ANKH: variants seen among roughly 807,000 people sequenced by gnomAD.
ANKH encodes the protein ANKH inorganic pyrophosphate transport regulator, also known as mineralization regulator ANKH.
A neutral mutation model predicts 49.0 loss-of-function variants in ANKH; 15 were observed. The ratio of observed to expected loss-of-function variants is 0.31; its 90% CI spans 0.20 to 0.47. ANKH has a LOEUF of 0.47. Ranked by LOEUF, ANKH falls within the 20% of genes least tolerant of loss-of-function variation. The pLI, the probability that ANKH is intolerant of heterozygous loss-of-function variation, is 1.00. For missense variants in ANKH, 429 were observed against 652.0 expected (o/e 0.66, Z 3.72); for synonymous variants, 273 against 260.0 (o/e 1.05, Z -0.48).
rs550355172 is a variant in ANKH at position 14,708,304 on chromosome 5, A to G, written c.*2893T>C. 6.6e-6 allele frequency: 1 copy of G among 152,316 alleles called. No individual in the cohort carries two copies. The highest frequency in any genetic ancestry group is 1.9e-4 in the East Asian group (1 of 5,188). 9.4% of individuals were successfully genotyped at this position (152,316 alleles called of 1,614,324 possible). On this transcript the variant is annotated 3_prime_UTR_variant, in exon 12 of 12. Coordinates refer to ENST00000284268, the MANE Select transcript of ANKH (RefSeq NM_054027.6). Reference sequence around the variant, plus strand: ...ATGAAAAACTACTTCATGGCCTTGTATTTTTAGATTGTATTCATCCACAAG... The same window carrying G: ...ATGAAAAACTACTTCATGGCCTTGTGTTTTTAGATTGTATTCATCCACAAG...
intron 8 of ANKH, among the ~76,000 whole-genome samples, chr5:14,722,088 G>A (rs923902487): frequency 6.6e-6 from 1 of 152,068 alleles, no homozygotes; most frequent in Admixed American, 6.6e-5. Context: ...AAAACAGGAC[G>A]CTTTAGAAGT....
chr5:14,832,276 C>A (rs772671147), intron 1 of ANKH, among the ~76,000 whole-genome samples: 1 of 152,118 alleles, frequency 6.6e-6, no homozygotes, highest in Non-Finnish European at 1.5e-5. Flanking sequence ...AAAGTTGCTG[C>A]CACAGACAAA....
chr5:14,764,746 T>C (rs931753462), intron 2 of ANKH, among the ~76,000 whole-genome samples: 2 of 152,170 alleles, frequency 1.3e-5, no homozygotes, highest in Non-Finnish European at 2.9e-5. Context: ...TAATAACCCA[T>C]GAATAATGGG....
intron 3 of ANKH, among the ~76,000 whole-genome samples, chr5:14,756,772 G>A (rs548366408): frequency 2.6e-5 from 4 of 151,248 alleles, no homozygotes; most frequent in Non-Finnish European, 5.9e-5. Flanking sequence ...ATATATCAGC[G>A]CCAAGCTGCC....
chr5:14,746,007 A>C (rs539587910), intron 6 of ANKH, 45 bp from the exon 7 acceptor site: 1 of 1,533,414 alleles, frequency 6.5e-7, no homozygotes, highest in Non-Finnish European at 9.0e-7. Flanking sequence ...ACCAGCAGGA[A>C]GTCCTCCAGG....
intron 1 of ANKH, among the ~76,000 whole-genome samples, chr5:14,850,653 T>C (rs1204204515): frequency 6.6e-6 from 1 of 152,168 alleles, no homozygotes; most frequent in Non-Finnish European, 1.5e-5. Flanking sequence ...GTGAATGCCG[T>C]GATGCACTCT....
chr5:14,729,833 C>T (rs752509339), intron 8 of ANKH, among the ~76,000 whole-genome samples: 47 of 152,192 alleles, frequency 3.1e-4, no homozygotes, highest in African/African-American at 1.0e-3. Flanking sequence ...GAGAAAGACC[C>T]GGACAGAGTG....
chr5:14,765,292 A>G (rs1411303508), intron 2 of ANKH, among the ~76,000 whole-genome samples: 1 of 152,230 alleles, frequency 6.6e-6, no homozygotes, highest in African/African-American at 2.4e-5. Flanking sequence ...CAATTTGGGT[A>G]TCTAGAGCCA....
chr5:14,842,834 T>C (rs78111357), intron 1 of ANKH, among the ~76,000 whole-genome samples: 1,845 of 152,210 alleles, frequency 0.012, 41 homozygotes, highest in African/African-American at 0.042. Context: ...GGGTGGTGAT[T>C]TTCTTCCCTT....
rs146484928 is a variant in ANKH at position 14,821,727 on chromosome 5, T to C, written c.96+49625A>G. On this transcript the variant is annotated intron_variant, in intron 1 of 11. Transcript: ENST00000284268. ...CTAAAGAAAGCACTGTGACTATAACTGGAGTCTTTAATTTCTGCCGCATCC... is the reference window on the plus strand; with the variant it reads ...CTAAAGAAAGCACTGTGACTATAACCGGAGTCTTTAATTTCTGCCGCATCC... Among the ~76,000 whole-genome samples the C allele has an allele frequency of 1.8e-3, 268 of 152,324 alleles. 1 individual carries two copies. The highest frequency in any genetic ancestry group is 6.1e-3 in the African/African-American group (253 of 41,586).
In ANKH at chr5:14,709,446, G is replaced by C. The variant is rs1579992819; in HGVS notation, c.*1751C>G. 5 of 152,280 alleles carry C rather than the reference G, an allele frequency of 3.3e-5. No individual in the cohort carries two copies. Among genetic ancestry groups the C allele is most frequent in the Admixed American group, 3.3e-4 (5 of 15,298 alleles). 9.4% of individuals were successfully genotyped at this position (152,280 alleles called of 1,614,324 possible). Reference sequence around the variant, plus strand: ...GCACGCCAAGGACATGTCCCCACGTGGGCACACCCCATCAGCACTGGGTAC... The same window carrying C: ...GCACGCCAAGGACATGTCCCCACGTCGGCACACCCCATCAGCACTGGGTAC... On this transcript the variant is annotated 3_prime_UTR_variant, in exon 12 of 12. Transcript: ENST00000284268.
rs184794385 is a variant in ANKH, at chr5:14,714,889, G to A, written c.1142-1222C>T. 2.6e-5 allele frequency among the ~76,000 whole-genome samples: 4 copies of A among 152,276 alleles called. No homozygotes were observed. In the East Asian group the frequency reaches 7.7e-4, roughly 29 times the overall value. On this transcript the variant is annotated intron_variant, in intron 9 of 11. Transcript: ENST00000284268. ...CTGGGGCACTCCAGGCCCCTCCTCT[G>A]GTCACTACTGTAGAAATTAACTGCA...
chr5:14,757,770 A>G (rs1274207328), intron 3 of ANKH, among the ~76,000 whole-genome samples: 1 of 152,220 alleles, frequency 6.6e-6, no homozygotes, highest in Non-Finnish European at 1.5e-5. Flanking sequence ...ACTTGTGGCA[A>G]AATTAAATAA....
chr5:14,709,060 ATT>A lies in ANKH; in HGVS notation c.*2135_*2136del, dbSNP rs1737057959. The stretch of plus-strand genomic sequence containing the variant: ...AGGTATGTGCTACCACCCCCAGCTA[ATT>A]TTTATGTTTTTAGTAGAGACAGGGT... On this transcript the variant is annotated 3_prime_UTR_variant, in exon 12 of 12. Coordinates refer to ENST00000284268, the MANE Select transcript of ANKH (RefSeq NM_054027.6). The A allele has an allele frequency of 6.6e-6, 1 of 152,104 alleles. No individual in the cohort carries two copies. The highest frequency in any genetic ancestry group is 1.5e-5 in the Non-Finnish European group (1 of 68,062). The allele number at this position is 152,104 out of a possible 1,614,324, so 9.4% of individuals were successfully genotyped here.
intron 9 of ANKH, among the ~76,000 whole-genome samples, chr5:14,714,113 GA>G (rs1290652393): frequency 1.3e-5 from 2 of 152,252 alleles, no homozygotes; most frequent in Non-Finnish European, 2.9e-5. Context: ...GAGGTGTGGG[GA>G]CCAAGCAGTG....
intron 1 of ANKH, among the ~76,000 whole-genome samples, chr5:14,830,462 A>T (rs1479772004): frequency 6.6e-6 from 1 of 151,454 alleles, no homozygotes; most frequent in Non-Finnish European, 1.5e-5. Context: ...AGTGGCTGGA[A>T]AGTTATTCCC....
intron 1 of ANKH, among the ~76,000 whole-genome samples, chr5:14,774,187 C>G (rs1437687082): frequency 1.3e-5 from 2 of 152,196 alleles, no homozygotes; most frequent in African/African-American, 4.8e-5. Flanking sequence ...ATTCAGTTAT[C>G]ATGCAGTCTG....
intron 1 of ANKH, among the ~76,000 whole-genome samples, chr5:14,775,214 AC>A (rs1739577848): frequency 6.6e-6 from 1 of 152,010 alleles, no homozygotes; most frequent in Non-Finnish European, 1.5e-5. Flanking sequence ...GTGCACCATC[AC>A]ATTTGGTTAA....
At chr5:14,740,633 C>T (rs1465223542) in intron 8 of ANKH, among the ~76,000 whole-genome samples, 2 of 152,198 alleles carry the variant, frequency 1.3e-5, no homozygotes, top group African/African-American at 4.8e-5. Flanking sequence ...GGGCACTGCC[C>T]TTGTGACAAT....
Sources: gnomAD v4.1 joint callset for allele counts (sites outside exome capture counted in the v4.1 genomes callset) on GRCh38, gnomAD v4.1.1 for gene constraint, MANE v1.5 for transcripts, NCBI Gene and HGNC (gene_info 2026-07-23, HGNC 2026-07-21) for gene names.